The following CCNJL variants were observed in gnomAD, a reference collection of about 807,000 sequenced individuals.
CCNJL encodes the protein cyclin J like, also known as cyclin-J-like protein.
In CCNJL, 33 loss-of-function variants were observed where a neutral mutation model predicts 33.4. The ratio of observed to expected loss-of-function variants is 0.99; its 90% CI spans 0.75 to 1.32. The LOEUF (loss-of-function observed/expected upper bound fraction) is 1.32, where lower values mean the gene tolerates loss of function less well. Among genes scored for constraint, CCNJL ranks in the 40% most tolerant of loss-of-function variants. CCNJL has a pLI of 0.00. For synonymous variants in CCNJL, 227 were observed against 220.9 expected (o/e 1.03, Z -0.24); for missense variants, 512 against 499.7 (o/e 1.02, Z -0.23).
intron 4 of CCNJL, among the ~76,000 whole-genome samples, chr5:160,257,241 C>T (rs897624008): frequency 2.0e-5 from 3 of 150,734 alleles, no homozygotes; most frequent in South Asian, 2.1e-4. Flanking sequence ...TTTGGGAGGC[C>T]GAGAGGGGCA....
At chr5:160,281,307 GT>G (rs1762205315) in intron 2 of CCNJL, 1 of 164,544 alleles carries the variant, frequency 6.1e-6, no homozygotes, top group Non-Finnish European at 1.3e-5. Context: ...ACCTAAAAAA[GT>G]TGTTGAAATA....
chr5:160,303,663 T>G (rs1762995956), intron 2 of CCNJL, among the ~76,000 whole-genome samples: 1 of 152,010 alleles, frequency 6.6e-6, no homozygotes, highest in African/African-American at 2.4e-5. Context: ...TTGCTTGTAT[T>G]CATTTTTGCC....
intron 1 of CCNJL, among the ~76,000 whole-genome samples, chr5:160,319,852 C>T (rs908784422): frequency 6.6e-6 from 1 of 151,830 alleles, no homozygotes; most frequent in East Asian, 1.9e-4. Context: ...GTGGGGAGAT[C>T]GTGGCTGCAG....
chr5:160,253,794 A>T lies in CCNJL; in HGVS notation c.748T>A (p.Tyr250Asn). Residue 250 changes from tyrosine (Y) to asparagine (N), a missense_variant, in exon 6 of 6, where the codon TAT becomes AAT. Tyr to Asn is a moderately radical substitution (Grantham distance 143, BLOSUM62 -2). Coordinates refer to ENST00000257536, the MANE Select transcript of CCNJL (RefSeq NM_001308173.3). Reference sequence around the variant, plus strand: ...ACGGCATCCTTGAGGACGTTGTCATACACTCTGAAACGAGAAGACCTGGGT... The same window carrying T: ...ACGGCATCCTTGAGGACGTTGTCATTCACTCTGAAACGAGAAGACCTGGGT... ...STCIEILLVVYDNVLKDAVAV... is the reference protein window; with the variant it reads ...STCIEILLVVNDNVLKDAVAV... The T allele has an allele frequency of 2.0e-6, 3 of 1,502,602 alleles. No individual in the cohort carries two copies. The highest frequency in any genetic ancestry group is 1.8e-6 in the Non-Finnish European group (2 of 1,130,588). 93.1% of individuals were successfully genotyped at this position (1,502,602 alleles called of 1,614,324 possible).
chr5:160,260,848 C>A (rs77751028), intron 3 of CCNJL, among the ~76,000 whole-genome samples: 11,969 of 152,174 alleles, frequency 0.079, 514 homozygotes, highest in Middle Eastern at 0.2. Flanking sequence ...GGAGTCCCTG[C>A]CTCTCAGAAG....
chr5:160,256,644 G>A (rs1214616239), intron 4 of CCNJL, among the ~76,000 whole-genome samples: 1 of 152,072 alleles, frequency 6.6e-6, no homozygotes, highest in African/African-American at 2.4e-5. Context: ...TTTGCTGGGC[G>A]CAGTGGCTCA....
At chr5:160,259,801 C>A (rs1761242078) in intron 3 of CCNJL, 30 bp from the exon 4 acceptor site, 1 of 1,568,402 alleles carries the variant, frequency 6.4e-7, no homozygotes, top group African/African-American at 1.4e-5. Context: ...GCAGGGGTTA[C>A]TGGAAGACAT....
chr5:160,291,060 AAG>A (rs1554121859), intron 2 of CCNJL, among the ~76,000 whole-genome samples: 3 of 141,668 alleles, frequency 2.1e-5, no homozygotes, highest in Admixed American at 2.0e-4. Flanking sequence ...AAAAAAAAAA[AAG>A]AAAGAAAGAG....
intron 3 of CCNJL, among the ~76,000 whole-genome samples, chr5:160,260,434 T>C (rs570291845): frequency 6.6e-6 from 1 of 152,276 alleles, no homozygotes; most frequent in East Asian, 1.9e-4. Context: ...GTCACCACTG[T>C]GGACAACCCG....
chr5:160,298,379 C>T (rs902211882), intron 2 of CCNJL, among the ~76,000 whole-genome samples: 3 of 151,768 alleles, frequency 2.0e-5, no homozygotes, highest in Non-Finnish European at 4.4e-5. Flanking sequence ...AAGACAGTTT[C>T]GACAGTGAAG....
chr5:160,273,024 G>A (rs899515079), intron 3 of CCNJL, among the ~76,000 whole-genome samples: 5 of 152,222 alleles, frequency 3.3e-5, no homozygotes, highest in Non-Finnish European at 7.3e-5. Flanking sequence ...ATCCACAAGC[G>A]CTGATGGAAA....
At chr5:160,280,794 G>C (rs752771342) in intron 2 of CCNJL, 56 bp from the exon 3 acceptor site, 40 of 1,198,290 alleles carry the variant, frequency 3.3e-5, no homozygotes, top group Non-Finnish European at 1.2e-6. Flanking sequence ...TGAGAGTCTC[G>C]GCTGTCCCAG....
intron 5 of CCNJL, chr5:160,254,422 T>C: frequency 1.8e-6 from 1 of 565,132 alleles, no homozygotes; most frequent in South Asian, 2.4e-5. Flanking sequence ...ATGTAAGGCA[T>C]GCACCGACAC....
At position 160,250,796 on chromosome 5, in the gene CCNJL, T is replaced by C. The variant is rs1317806374; in HGVS notation, c.*2582A>G. 3 of 152,250 alleles carry C rather than the reference T, an allele frequency of 2.0e-5. No homozygotes were observed. Among genetic ancestry groups the C allele is most frequent in the Non-Finnish European group, 4.4e-5 (3 of 68,038 alleles). The allele number at this position is 152,250 out of a possible 1,614,324, so 9.4% of individuals were successfully genotyped here. On this transcript the variant is annotated 3_prime_UTR_variant, in exon 6 of 6. Coordinates refer to ENST00000257536, the MANE Select transcript of CCNJL (RefSeq NM_001308173.3). ...TATTAGTGCATAAAATAATAGTGCATCTTACAAAAAGCTGATCTTATGCTT... is the reference window on the plus strand; with the variant it reads ...TATTAGTGCATAAAATAATAGTGCACCTTACAAAAAGCTGATCTTATGCTT...
At position 160,262,128 on chromosome 5, in the gene CCNJL, T is replaced by C. The variant is rs530424736; in HGVS notation, c.281-2357A>G. Among the ~76,000 whole-genome samples the C allele has an allele frequency of 7.3e-4, 111 of 152,190 alleles. 1 individual carries two copies. The highest frequency in any genetic ancestry group is 1.4e-3 in the Admixed American group (21 of 15,292). ...GAATCTTGTGCTGAGCCAGCCTTGG[T>C]TGCATGCACTCAGCAGAAACGAGCT... On this transcript the variant is annotated intron_variant, in intron 3 of 5. Transcript: ENST00000257536.
At chr5:160,298,517 C>T (rs1157688660) in intron 2 of CCNJL, among the ~76,000 whole-genome samples, 2 of 152,180 alleles carry the variant, frequency 1.3e-5, no homozygotes, top group Non-Finnish European at 2.9e-5. Context: ...AGACCCAGCG[C>T]CTGCTCCCCT....
intron 1 of CCNJL, among the ~76,000 whole-genome samples, 189 bp from the exon 2 acceptor site, chr5:160,312,161 G>C (rs1435564467): frequency 6.6e-6 from 1 of 152,212 alleles, no homozygotes. Context: ...CGCCGGACAC[G>C]GGGCGATATG....
Position 160,253,637 on chromosome 5 carries a change from A to G in CCNJL, c.905T>C (p.Val302Ala). The G allele has an allele frequency of 6.2e-7, 1 of 1,612,786 alleles. No individual in the cohort carries two copies. Among genetic ancestry groups the G allele is most frequent in the Non-Finnish European group, 8.5e-7 (1 of 1,179,282 alleles). Residue 302 changes from valine to alanine, a missense_variant, in exon 6 of 6, where the codon GTG (valine) becomes GCG (alanine). Transcript: ENST00000257536. ...CCGATAGGCCAAGCATAGGTCCTGC[A>G]CGGGGGTCTGGAACTGTGCCAGGGT... ...ATTLAQFQTP[V>A]QDLCLAYRDS...
At chr5:160,258,122 A>G in intron 4 of CCNJL, 1 of 311,920 alleles carries the variant, frequency 3.2e-6, no homozygotes, top group Non-Finnish European at 6.1e-6. Context: ...CTGGAATTAT[A>G]AGCATAAGCC....
Sources: allele counts gnomAD v4.1 joint callset (sites outside exome capture counted in the v4.1 genomes callset), GRCh38; gene constraint gnomAD v4.1.1; transcripts MANE v1.5; gene names NCBI Gene and HGNC (gene_info 2026-07-23, HGNC 2026-07-21).